Variants in DIS3L2 observed in about 807,000 individuals in gnomAD.
DIS3L2 encodes DIS3 like 3'-5' exoribonuclease 2.
DIS3L2 carries 34 observed loss-of-function variants against 97.5 expected under a neutral mutation model. The observed-to-expected ratio is 0.35, with a 90% CI of 0.27 to 0.46. DIS3L2 has a LOEUF of 0.46. Among genes scored for constraint, DIS3L2 ranks in the 20% least tolerant of loss-of-function variants. The probability of loss-of-function intolerance (pLI) is 1.00; values close to 1 mark genes in which losing one functional copy is unlikely to be tolerated. For missense variants in DIS3L2, 1,038 were observed against 1,146.0 expected (o/e 0.91, Z 1.36); for synonymous variants, 435 against 445.2 (o/e 0.98, Z 0.29).
At chr2:232,300,016 T>C (rs758535658) in intron 13 of DIS3L2, 24 bp from the exon 14 acceptor site, 11 of 1,611,148 alleles carry the variant, frequency 6.8e-6, no homozygotes, top group Admixed American at 1.7e-5. Context: ...CTAAAACTTC[T>C]TTTTCTCTTC....
At chr2:232,079,706 G>T (rs1289682026) in intron 5 of DIS3L2, among the ~76,000 whole-genome samples, 1 of 152,100 alleles carries the variant, frequency 6.6e-6, no homozygotes. Context: ...TGTGATCAGG[G>T]AAGTGTCTCT....
intron 4 of DIS3L2, among the ~76,000 whole-genome samples, chr2:232,028,186 A>G (rs1694711853): frequency 6.6e-6 from 1 of 151,856 alleles, no homozygotes; most frequent in African/African-American, 2.4e-5. Context: ...CCACCTCCCA[A>G]TTCCATTATT....
Position 232,238,582 on chromosome 2 carries a change from G to A in DIS3L2, c.1254G>A (p.Pro418=), listed in dbSNP as rs764213505. Residue 418 remains proline (P), a synonymous_variant, in exon 11 of 21, where the codon CCG becomes CCA. Coordinates refer to ENST00000325385, the MANE Select transcript of DIS3L2 (RefSeq NM_152383.5). ...TTGCTGACGTGAGTTACTTTGTTCC[G>A]GAGGGATCTGATCTGGATAAAGTGG... ...VHIADVSYFV[P]EGSDLDKVAA... 1.1e-5 allele frequency: 17 copies of A among 1,614,072 alleles called. No individual in the cohort carries two copies. The highest frequency in any genetic ancestry group is 3.3e-5 in the Admixed American group (2 of 60,000).
At chr2:232,226,497 G>T (rs1407426617) in intron 10 of DIS3L2, among the ~76,000 whole-genome samples, 1 of 152,174 alleles carries the variant, frequency 6.6e-6, no homozygotes, top group Non-Finnish European at 1.5e-5. Context: ...AGAAATAGTT[G>T]AGTGTATTTA....
intron 5 of DIS3L2, among the ~76,000 whole-genome samples, chr2:232,053,613 G>A (rs1695467409): frequency 6.6e-6 from 1 of 152,132 alleles, no homozygotes. Context: ...GCCCCCTCAG[G>A]TTCAGTAATT....
chr2:232,148,748 C>CTTTTTTTT (rs34837114), intron 8 of DIS3L2, among the ~76,000 whole-genome samples: 6 of 98,894 alleles, frequency 6.1e-5, no homozygotes, highest in Non-Finnish European at 7.7e-5. Context: ...AATTTTCTTT[C>CTTTTTTTT]TTTTTTTTTT....
intron 1 of DIS3L2, among the ~76,000 whole-genome samples, chr2:231,963,507 G>T (rs1333901168): frequency 6.6e-6 from 1 of 152,150 alleles, no homozygotes; most frequent in African/African-American, 2.4e-5. Context: ...TTTGTCAGAT[G>T]CATAGTTTGT....
chr2:232,098,348 G>T (rs1697088727), intron 6 of DIS3L2, among the ~76,000 whole-genome samples: 1 of 140,604 alleles, frequency 7.1e-6, no homozygotes, highest in Non-Finnish European at 1.5e-5. Flanking sequence ...GATTATCGAG[G>T]TTTCTAATTT....
At position 231,967,171 on chromosome 2, in the gene DIS3L2, G is replaced by A. The variant is rs533170339; in HGVS notation, c.-94+5406G>A. ...AAATCATGAGGGGAGAAGGGCTGAT[G>A]AAGTACCCTGCCCTCAGTAAAGTAT... On this transcript the variant is annotated intron_variant, in intron 1 of 20. Coordinates refer to ENST00000325385, the MANE Select transcript of DIS3L2 (RefSeq NM_152383.5). 2.9e-4 allele frequency among the ~76,000 whole-genome samples: 44 copies of A among 152,326 alleles called. No individual in the cohort carries two copies. The South Asian group carries it at 6.6e-3, about 23-fold the overall frequency.
At chr2:232,031,587 G>A (rs1050248055) in intron 5 of DIS3L2, among the ~76,000 whole-genome samples, 3 of 151,372 alleles carry the variant, frequency 2.0e-5, no homozygotes, top group Non-Finnish European at 4.4e-5. Flanking sequence ...TGCCATGGTG[G>A]TTTGCTGCAC....
intron 1 of DIS3L2, among the ~76,000 whole-genome samples, chr2:231,963,779 C>T (rs938015493): frequency 3.3e-5 from 5 of 152,112 alleles, no homozygotes; most frequent in African/African-American, 1.2e-4. Flanking sequence ...AGTGCAGTAG[C>T]GTGACTGCAG....
chr2:232,016,940 CCCTT>C (rs1041203968), intron 3 of DIS3L2, among the ~76,000 whole-genome samples: 9 of 144,872 alleles, frequency 6.2e-5, no homozygotes, highest in Non-Finnish European at 9.1e-5. Flanking sequence ...CTCCCTCCCT[CCCTT>C]CCTTCCTTCC....
intron 10 of DIS3L2, among the ~76,000 whole-genome samples, chr2:232,212,354 ATTTGT>A (rs1044318207): frequency 1.3e-5 from 2 of 152,134 alleles, no homozygotes; most frequent in African/African-American, 4.8e-5. Flanking sequence ...CAATTGCTTC[ATTTGT>A]TTTGTCCATT....
At chr2:232,238,273 G>A (rs566322041) in intron 10 of DIS3L2, among the ~76,000 whole-genome samples, 1 of 152,338 alleles carries the variant, frequency 6.6e-6, no homozygotes, top group South Asian at 2.1e-4. Flanking sequence ...CTTTAGAAAT[G>A]GGAAACATCT....
intron 10 of DIS3L2, among the ~76,000 whole-genome samples, chr2:232,219,733 C>T (rs1025428369): frequency 6.6e-6 from 1 of 152,116 alleles, no homozygotes; most frequent in Non-Finnish European, 1.5e-5. Context: ...CTGCTCTTCC[C>T]TTTTCATCCC....
intron 6 of DIS3L2, among the ~76,000 whole-genome samples, chr2:232,090,757 T>C (rs1696812749): frequency 6.6e-6 from 1 of 152,268 alleles, no homozygotes; most frequent in Admixed American, 6.5e-5. Context: ...CAAAAGTGTT[T>C]TTTTGTTTGT....
At position 232,130,621 on chromosome 2, in the gene DIS3L2, A is replaced by AG. The variant is rs1698187508; in HGVS notation, c.605dup (p.Glu203ArgfsTer4). 6.2e-7 allele frequency: 1 copy of AG among 1,608,930 alleles called. No homozygotes were observed. The highest frequency in any genetic ancestry group is 8.5e-7 in the Non-Finnish European group (1 of 1,177,916). On this transcript the variant is annotated frameshift_variant, in exon 7 of 21. Coordinates refer to ENST00000325385, the MANE Select transcript of DIS3L2 (RefSeq NM_152383.5). LOFTEE classifies it high-confidence loss of function. ...CTCTCTTTATCTTTTTAATGTAGGAAGAGAGGATGGTGATGCACCGGTTAC... is the reference window on the plus strand; with the variant it reads ...CTCTCTTTATCTTTTTAATGTAGGAAGGAGAGGATGGTGATGCACCGGTTAC...
At chr2:232,155,205 A>G (rs1690454253) in intron 8 of DIS3L2, among the ~76,000 whole-genome samples, 1 of 98,394 alleles carries the variant, frequency 1.0e-5, no homozygotes. Context: ...AGCTGTTCCT[A>G]TTCAGCCATC....
At chr2:232,012,413 A>G (rs1378255649) in intron 1 of DIS3L2, among the ~76,000 whole-genome samples, 2 of 151,918 alleles carry the variant, frequency 1.3e-5, no homozygotes, top group African/African-American at 4.8e-5. Flanking sequence ...CCCTTGTCTC[A>G]CTTACCTGGC....
Sources: allele counts gnomAD v4.1 joint callset (sites outside exome capture counted in the v4.1 genomes callset), GRCh38; gene constraint gnomAD v4.1.1; transcripts MANE v1.5; gene names NCBI Gene and HGNC (gene_info 2026-07-23, HGNC 2026-07-21).